The following PHYHIPL variants were observed in gnomAD, a reference collection of about 807,000 sequenced individuals.
The protein encoded by PHYHIPL is phytanoyl-CoA 2-hydroxylase interacting protein like.
PHYHIPL carries 9 observed loss-of-function variants against 33.4 expected under a neutral mutation model. That is an observed-to-expected ratio of 0.27 (90% CI 0.16 to 0.47). The LOEUF is 0.47. Ranked by LOEUF, PHYHIPL falls within the 20% of genes least tolerant of loss-of-function variation. The probability of loss-of-function intolerance (pLI) is 0.99; values close to 1 mark genes in which losing one functional copy is unlikely to be tolerated. For missense variants in PHYHIPL, 365 were observed against 460.7 expected (o/e 0.79, Z 1.90); for synonymous variants, 153 against 154.1 (o/e 0.99, Z 0.05).
At chr10:59,233,249 T>G (rs1164243073) in intron 1 of PHYHIPL, among the ~76,000 whole-genome samples, 1 of 151,854 alleles carries the variant, frequency 6.6e-6, no homozygotes, top group Non-Finnish European at 1.5e-5. Flanking sequence ...TGTCAAAAAG[T>G]TTGTATCAAT....
chr10:59,176,928 C>G lies in PHYHIPL; in HGVS notation c.75C>G (p.Ser25Arg), dbSNP rs1417768828. Reference sequence around the variant, plus strand: ...GTGAGGAGGTGATCAAAAACCTCAGCCTGGAGGCCATTCAGCTGTGCGACC... The same window carrying G: ...GTGAGGAGGTGATCAAAAACCTCAGGCTGGAGGCCATTCAGCTGTGCGACC... ...SPCEEVIKNL[S>R]LEAIQLCDRD... Residue 25 changes from serine to arginine, a missense_variant, in exon 1 of 5, where the codon AGC becomes AGG. Ser to Arg is a moderately radical substitution (Grantham distance 110, BLOSUM62 -1). Around this residue, in one of 4 missense-constraint regions of PHYHIPL, gnomAD observed 89 missense variants for 78.3 expected, o/e 1.14. Transcript: ENST00000373880. 1.2e-6 allele frequency: 2 copies of G among 1,613,588 alleles called. No homozygotes were observed. The highest frequency in any genetic ancestry group is 2.7e-5 in the African/African-American group (2 of 74,914).
chr10:59,243,165 C>T (rs947767219), intron 4 of PHYHIPL, among the ~76,000 whole-genome samples: 21 of 151,236 alleles, frequency 1.4e-4, no homozygotes, highest in African/African-American at 5.1e-4. Context: ...AGATACAAGA[C>T]ACCTTATGTA....
At chr10:59,190,477 C>A (rs894970700) in intron 1 of PHYHIPL, among the ~76,000 whole-genome samples, 29 of 151,822 alleles carry the variant, frequency 1.9e-4, no homozygotes, top group African/African-American at 7.0e-4. Context: ...TATCTTGTAT[C>A]ATTCTGAGAT....
At chr10:59,235,271 T>C (rs1296771744) in intron 2 of PHYHIPL, among the ~76,000 whole-genome samples, 5 of 151,892 alleles carry the variant, frequency 3.3e-5, no homozygotes, top group Non-Finnish European at 4.4e-5. Context: ...TTTTTAGATA[T>C]ATAACACTTC....
At chr10:59,221,587 T>G in intron 1 of PHYHIPL, 1 of 678,056 alleles carries the variant, frequency 1.5e-6, no homozygotes, top group Non-Finnish European at 1.8e-6. Context: ...AGAGATAAGT[T>G]TTTAAATAGG....
Position 59,246,776 on chromosome 10 carries a change from A to G in PHYHIPL, c.*1185A>G, listed in dbSNP as rs548989404. 1.1e-3 allele frequency: 420 copies of G among 395,006 alleles called. 3 individuals carry two copies. The highest frequency in any genetic ancestry group is 7.8e-3 in the African/African-American group (382 of 48,676). 24.5% of individuals were successfully genotyped at this position (395,006 alleles called of 1,614,324 possible). A position where few individuals can be genotyped will look rare whatever the true frequency, so the allele number is the denominator to read the frequency against. ...ACATTAAGAAAAATGTATATTCCCA[A>G]TGAAAAAATAGTTATATCATCTTAT... On this transcript the variant is annotated 3_prime_UTR_variant, in exon 5 of 5. Transcript: ENST00000373880.
intron 1 of PHYHIPL, among the ~76,000 whole-genome samples, chr10:59,214,111 A>G (rs917900413): frequency 6.6e-6 from 1 of 152,176 alleles, no homozygotes; most frequent in Non-Finnish European, 1.5e-5. Context: ...TGAAATTGAT[A>G]AATGAATTTC....
At chr10:59,221,800 T>C (rs1409575696) in intron 1 of PHYHIPL, 1 of 580,482 alleles carries the variant, frequency 1.7e-6, no homozygotes, top group African/African-American at 2.0e-5. Flanking sequence ...TTCTTTCAGA[T>C]ATTAGTGTCT....
intron 1 of PHYHIPL, chr10:59,206,845 G>GT: frequency 8.8e-7 from 1 of 1,142,410 alleles, no homozygotes; most frequent in Non-Finnish European, 1.1e-6. Context: ...GTGATTAACT[G>GT]TAAGTGCACT....
At chr10:59,236,264 A>T (rs1246844508) in intron 2 of PHYHIPL, among the ~76,000 whole-genome samples, 1 of 151,866 alleles carries the variant, frequency 6.6e-6, no homozygotes, top group Admixed American at 6.6e-5. Flanking sequence ...TCAGTCAGGA[A>T]CTTAATAAGT....
upstream of PHYHIPL, among the ~76,000 whole-genome samples, chr10:59,173,803 G>C (rs77911856): frequency 7.9e-3 from 1,193 of 151,914 alleles, 11 homozygotes; most frequent in Non-Finnish European, 0.012. Context: ...AAGGAATTGT[G>C]GTTTCTATAA....
chr10:59,234,125 A>T (rs1388845183), intron 1 of PHYHIPL, among the ~76,000 whole-genome samples, 179 bp from the exon 2 acceptor site: 1 of 151,872 alleles, frequency 6.6e-6, no homozygotes. Flanking sequence ...TTAGAAAGAT[A>T]GAGTGTCAGT....
intron 3 of PHYHIPL, among the ~76,000 whole-genome samples, chr10:59,238,118 A>T (rs1564459478): frequency 6.6e-6 from 1 of 151,976 alleles, no homozygotes; most frequent in Non-Finnish European, 1.5e-5. Context: ...GTTAAAAAAA[A>T]TCAGATTTAC....
intron 1 of PHYHIPL, among the ~76,000 whole-genome samples, chr10:59,215,098 G>A (rs1486671586): frequency 6.6e-6 from 1 of 151,982 alleles, no homozygotes. Context: ...AAATTATGTG[G>A]AAAGTTAAAT....
chr10:59,185,670 G>A (rs1838573936), intron 1 of PHYHIPL, among the ~76,000 whole-genome samples: 1 of 152,208 alleles, frequency 6.6e-6, no homozygotes, highest in African/African-American at 2.4e-5. Flanking sequence ...ACTGGTGTGA[G>A]ATGGTATCTC....
At position 59,236,364 on chromosome 10, in the gene PHYHIPL, TCCTTCCCTCCTTCTC is replaced by T. The variant is rs1211579388; in HGVS notation, c.304-105_304-91del. 9.8e-6 allele frequency: 5 copies of T among 509,896 alleles called. No homozygotes were observed. The South Asian group carries it at 1.8e-4, about 19-fold the overall frequency. The allele number at this position is 509,896 out of a possible 1,614,324, so 31.6% of individuals were successfully genotyped here. A position where few individuals can be genotyped will look rare whatever the true frequency, so the allele number is the denominator to read the frequency against. On this transcript the variant is annotated intron_variant, in intron 2 of 4. Transcript: ENST00000373880. ...TTCCTTCCCTCCCTCCTTCCCTTCT[TCCTTCCCTCCTTCTC>T]CCTTCCCTCCTTCCTCCCTTCTCCC...
At chr10:59,189,439 G>C (rs1400754635) in intron 1 of PHYHIPL, among the ~76,000 whole-genome samples, 4 of 152,024 alleles carry the variant, frequency 2.6e-5, no homozygotes, top group Non-Finnish European at 5.9e-5. Context: ...AGTAGCACCA[G>C]CTAGAGGACC....
chr10:59,245,006 G>A (rs1840603534), intron 4 of PHYHIPL, 51 bp from the exon 5 acceptor site: 3 of 1,529,502 alleles, frequency 2.0e-6, no homozygotes, highest in Admixed American at 4.3e-5. Flanking sequence ...ATATAAATCA[G>A]TGGGTTTACC....
At chr10:59,188,297 G>C (rs551680527) in intron 1 of PHYHIPL, among the ~76,000 whole-genome samples, 120 of 152,254 alleles carry the variant, frequency 7.9e-4, no homozygotes, top group African/African-American at 2.8e-3. Context: ...TCTTAATCCT[G>C]AGTTCTAGTT....
Sources: allele counts gnomAD v4.1 joint callset (sites outside exome capture counted in the v4.1 genomes callset), GRCh38; gene constraint gnomAD v4.1.1; regional missense constraint gnomAD v4.1.1; transcripts MANE v1.5; gene names NCBI Gene and HGNC (gene_info 2026-07-23, HGNC 2026-07-21).